Variants in FRMD3 observed in about 807,000 individuals in gnomAD.
FRMD3 encodes FERM domain-containing protein 3.
FRMD3 carries 33 observed loss-of-function variants against 70.2 expected under a neutral mutation model. That is an observed-to-expected ratio of 0.47 (90% CI 0.36 to 0.63). FRMD3 has a LOEUF of 0.63. FRMD3 is among the 20% of genes least tolerant of loss of function. The pLI is 0.00. For synonymous variants in FRMD3, 279 were observed against 255.9 expected (o/e 1.09, Z -0.86); for missense variants, 632 against 711.4 (o/e 0.89, Z 1.27).
At chr9:83,405,867 A>G (rs1826087200) in intron 1 of FRMD3, among the ~76,000 whole-genome samples, 1 of 152,040 alleles carries the variant, frequency 6.6e-6, no homozygotes, top group Non-Finnish European at 1.5e-5. Flanking sequence ...AGTTTGTTGG[A>G]GTAGGGCTGA....
the FRMD3 span, among the ~76,000 whole-genome samples, chr9:83,549,115 C>G: frequency 3.3e-5 from 5 of 152,022 alleles, no homozygotes; most frequent in Non-Finnish European, 7.4e-5. Context: ...AACCTGCCCC[C>G]TCAAGAAGAC....
At chr9:83,450,985 G>A (rs1199181536) in intron 1 of FRMD3, among the ~76,000 whole-genome samples, 1 of 152,190 alleles carries the variant, frequency 6.6e-6, no homozygotes, top group Non-Finnish European at 1.5e-5. Flanking sequence ...TAGGTGCTCT[G>A]AGGCATCAGC....
chr9:83,323,959 T>C (rs1486080224), intron 6 of FRMD3, among the ~76,000 whole-genome samples: 2 of 152,042 alleles, frequency 1.3e-5, no homozygotes, highest in Non-Finnish European at 2.9e-5. Flanking sequence ...CACTAGGGAG[T>C]CCTGTACATG....
In FRMD3 at chr9:83,311,962, G is replaced by A. The variant is rs895992024; in HGVS notation, c.698C>T (p.Thr233Ile). 2.5e-6 allele frequency: 4 copies of A among 1,589,622 alleles called. No individual in the cohort carries two copies. Among genetic ancestry groups the A allele is most frequent in the Admixed American group, 3.5e-5 (2 of 57,664 alleles). ...AGCTGTGAATCCTAAAAATGTTGTT[G>A]TGCCTGTTGAATCCTGAAAAAAAAA... ...DPHPCKDSTG[T>I]TTFLGFTAAG... is the part of the protein sequence containing the mutation. Residue 233 changes from threonine (T) to isoleucine (I), a missense_variant, in exon 8 of 14, where the codon ACA becomes ATA. Coordinates refer to ENST00000304195, the MANE Select transcript of FRMD3 (RefSeq NM_174938.6).
intron 13 of FRMD3, among the ~76,000 whole-genome samples, chr9:83,257,235 G>A (rs1832750431): frequency 6.6e-6 from 1 of 152,200 alleles, no homozygotes; most frequent in Non-Finnish European, 1.5e-5. Flanking sequence ...CATGGATGGA[G>A]TTGGAAGTCA....
intron 3 of FRMD3, chr9:83,350,899 T>C (rs1036802795): frequency 2.1e-6 from 1 of 478,730 alleles, no homozygotes; most frequent in South Asian, 9.0e-5. Flanking sequence ...ACCAGTGTAG[T>C]GAGATGCATT....
At chr9:83,421,745 A>G (rs182754346) in intron 1 of FRMD3, among the ~76,000 whole-genome samples, 32 of 152,354 alleles carry the variant, frequency 2.1e-4, no homozygotes, top group Admixed American at 1.9e-3. Flanking sequence ...GTTATTTCCC[A>G]GGAAATCTAA....
the FRMD3 span, among the ~76,000 whole-genome samples, chr9:83,575,762 A>AAACTTCCGACG: frequency 9.2e-5 from 14 of 152,348 alleles, no homozygotes; most frequent in South Asian, 2.7e-3. Context: ...ACTAGCTTTT[A>AAACTTCCGACG]AACTTCCGAC....
intron 2 of FRMD3, among the ~76,000 whole-genome samples, chr9:83,381,813 T>A (rs532465986): frequency 6.6e-6 from 1 of 152,158 alleles, no homozygotes; most frequent in Non-Finnish European, 1.5e-5. Context: ...GACCAGATAG[T>A]AAATATTTTA....
rs889721649 is a variant in FRMD3, at chr9:83,344,950, G to A, written c.375-1663C>T. Among the ~76,000 whole-genome samples, 11 of 148,924 alleles carry A rather than the reference G, an allele frequency of 7.4e-5. No homozygotes were observed. The South Asian group carries it at 1.3e-3, about 17-fold the overall frequency. ...ATCTTTACTCAGCCACAGGAAGAGC[G>A]ACATGTGTAATCCCCATTTTAAAGG... On this transcript the variant is annotated intron_variant, in intron 4 of 13. Coordinates refer to ENST00000304195, the MANE Select transcript of FRMD3 (RefSeq NM_174938.6).
intron 1 of FRMD3, among the ~76,000 whole-genome samples, chr9:83,497,876 G>A (rs886892704): frequency 1.2e-4 from 19 of 152,342 alleles, no homozygotes; most frequent in Admixed American, 7.2e-4. Context: ...GGCCAGGAGC[G>A]ATAGCTCATG....
chr9:83,420,559 A>G (rs933015065), intron 1 of FRMD3, among the ~76,000 whole-genome samples: 20 of 152,062 alleles, frequency 1.3e-4, no homozygotes, highest in Non-Finnish European at 1.8e-4. Flanking sequence ...GCAGCTCTAA[A>G]ATGGTTGGCA....
At chr9:83,468,279 G>A (rs934762793) in intron 1 of FRMD3, among the ~76,000 whole-genome samples, 1 of 152,162 alleles carries the variant, frequency 6.6e-6, no homozygotes, top group Non-Finnish European at 1.5e-5. Context: ...AAATAGATGT[G>A]ACTTAAGTCA....
At chr9:83,484,614 C>T (rs1457831000) in intron 1 of FRMD3, among the ~76,000 whole-genome samples, 1 of 152,166 alleles carries the variant, frequency 6.6e-6, no homozygotes, top group Non-Finnish European at 1.5e-5. Context: ...GACAGGGTGT[C>T]ACCATGTTGG....
chr9:83,409,336 C>T (rs1413053429), intron 1 of FRMD3, among the ~76,000 whole-genome samples: 4 of 152,126 alleles, frequency 2.6e-5, no homozygotes, highest in Non-Finnish European at 5.9e-5. Flanking sequence ...CTTTCAAGTT[C>T]CCTTCTAGCA....
intron 13 of FRMD3, among the ~76,000 whole-genome samples, chr9:83,249,630 G>A (rs73475668): frequency 0.013 from 1,929 of 152,222 alleles, 49 homozygotes; most frequent in African/African-American, 0.044. Flanking sequence ...ATAGCACTGA[G>A]AAGTCCAAAT....
intron 1 of FRMD3, among the ~76,000 whole-genome samples, chr9:83,448,914 C>T (rs750617390): frequency 6.6e-6 from 1 of 152,184 alleles, no homozygotes; most frequent in Non-Finnish European, 1.5e-5. Context: ...TGCAAATTCC[C>T]AGGCCTCCTT....
At chr9:83,451,377 C>T (rs1031430198) in intron 1 of FRMD3, among the ~76,000 whole-genome samples, 12 of 127,058 alleles carry the variant, frequency 9.4e-5, no homozygotes, top group Non-Finnish European at 1.8e-4. Flanking sequence ...CACAAGCACA[C>T]AAATACATAC....
chr9:83,492,956 G>A (rs1297192853), intron 1 of FRMD3, among the ~76,000 whole-genome samples: 1 of 152,116 alleles, frequency 6.6e-6, no homozygotes, highest in Admixed American at 6.6e-5. Flanking sequence ...TCCAGGGGCC[G>A]AGACATTCTC....
Sources: allele counts gnomAD v4.1 joint callset (sites outside exome capture counted in the v4.1 genomes callset), GRCh38; gene constraint gnomAD v4.1.1; transcripts MANE v1.5; gene names NCBI Gene and HGNC (gene_info 2026-07-23, HGNC 2026-07-21).